Variants in MYL11 observed in about 807,000 individuals in gnomAD.
MYL11 encodes the protein myosin light chain 11.
chr16:30,372,757 G>T, the MYL11 span: 1 of 148,818 alleles, frequency 6.7e-6, no homozygotes. Flanking sequence ...TCTTCTGCAT[G>T]AAACCTTTCC....
At chr16:30,377,581 G>T in the MYL11 span, 3 of 1,368,580 alleles carry the variant, frequency 2.2e-6, no homozygotes, top group Non-Finnish European at 2.9e-6. Flanking sequence ...GGCTGGCATC[G>T]GGGATGAGGT....
the MYL11 span, chr16:30,376,023 C>T: frequency 6.7e-7 from 1 of 1,481,604 alleles, no homozygotes; most frequent in Non-Finnish European, 9.3e-7. Flanking sequence ...ATTCCTTCCT[C>T]CCCTCTCTGC....
At chr16:30,371,474 A>G in the MYL11 span, among the ~76,000 whole-genome samples, 4 of 152,120 alleles carry the variant, frequency 2.6e-5, no homozygotes, top group Admixed American at 1.3e-4. Context: ...CCCAGGTGGC[A>G]ATAGCCAGAG....
chr16:30,375,688 A>C, the MYL11 span: 15 of 703,950 alleles, frequency 2.1e-5, no homozygotes, highest in East Asian at 4.1e-4. Flanking sequence ...AGAGGTCCCA[A>C]GGAAGGGGAG....
At chr16:30,372,563 A>G in the MYL11 span, among the ~76,000 whole-genome samples, 1 of 151,714 alleles carries the variant, frequency 6.6e-6, no homozygotes, top group Non-Finnish European at 1.5e-5. Flanking sequence ...GGGTACATCA[A>G]AGTCACACAA....
the MYL11 span, chr16:30,375,737 A>G: frequency 2.5e-6 from 3 of 1,190,404 alleles, no homozygotes; most frequent in African/African-American, 4.6e-5. Flanking sequence ...AGGGACTCGA[A>G]GAATTCTGAC....
chr16:30,374,590 T>C, the MYL11 span, among the ~76,000 whole-genome samples: 42 of 152,344 alleles, frequency 2.8e-4, no homozygotes, highest in East Asian at 7.3e-3. Context: ...CATCTCTTCT[T>C]GCCCAGGCCC....
chr16:30,374,709 C>T, the MYL11 span: 4 of 946,978 alleles, frequency 4.2e-6, 1 homozygote, highest in African/African-American at 1.7e-5. Flanking sequence ...ATTTTGGTAT[C>T]TGGGGTGGGC....
At chr16:30,375,870 CT>C in the MYL11 span, 1 of 1,614,014 alleles carries the variant, frequency 6.2e-7, no homozygotes. Flanking sequence ...GCTCCAGCGT[CT>C]TCTCCATGTT....
At chr16:30,376,843 G>A in the MYL11 span, 2 of 780,752 alleles carry the variant, frequency 2.6e-6, no homozygotes, top group Middle Eastern at 3.6e-4. Flanking sequence ...GAGGCAGGAG[G>A]ATTTACTTGA....
chr16:30,373,677 G>A, the MYL11 span, among the ~76,000 whole-genome samples: 8 of 149,666 alleles, frequency 5.3e-5, no homozygotes, highest in African/African-American at 1.7e-4. Context: ...CAGAAGTATC[G>A]CTTGAACCCA....
the MYL11 span, among the ~76,000 whole-genome samples, chr16:30,373,452 C>G: frequency 6.6e-6 from 1 of 152,110 alleles, no homozygotes; most frequent in Non-Finnish European, 1.5e-5. Flanking sequence ...AAAAATTAGG[C>G]GGGCGTGGTG....
chr16:30,377,515 G>A, the MYL11 span: 3 of 825,548 alleles, frequency 3.6e-6, no homozygotes, highest in African/African-American at 5.2e-5. Flanking sequence ...GCAAAAGCGA[G>A]TGTCTGGGAG....
the MYL11 span, chr16:30,376,022 T>A: frequency 6.8e-7 from 1 of 1,472,322 alleles, no homozygotes; most frequent in Non-Finnish European, 9.4e-7. Flanking sequence ...AATTCCTTCC[T>A]CCCCTCTCTG....
chr16:30,373,728 C>T, the MYL11 span, among the ~76,000 whole-genome samples: 1 of 150,604 alleles, frequency 6.6e-6, no homozygotes, highest in Admixed American at 6.6e-5. Context: ...CACCATTGCA[C>T]TCCCACCTGG....
At chr16:30,377,445 G>A in the MYL11 span, 3 of 483,082 alleles carry the variant, frequency 6.2e-6, no homozygotes, top group Non-Finnish European at 1.1e-5. Context: ...TAAGGGAGTA[G>A]TTAAGATTGT....
chr16:30,374,919 C>T, the MYL11 span: 3 of 1,584,758 alleles, frequency 1.9e-6, no homozygotes, highest in African/African-American at 2.7e-5. Flanking sequence ...CAGCCTCACC[C>T]TTTGAAAGAA....
At chr16:30,374,735 G>A in the MYL11 span, 6 of 1,323,214 alleles carry the variant, frequency 4.5e-6, no homozygotes, top group Admixed American at 2.7e-5. Context: ...CAGGGCTAAG[G>A]TTACCTTGGT....
the MYL11 span, chr16:30,377,905 ACCCGCGGGCCTC>A: frequency 3.1e-6 from 5 of 1,599,898 alleles, no homozygotes; most frequent in African/African-American, 6.7e-5. Context: ...GAGTAGGGGC[ACCCGCGGGCCTC>A]CGCTGCCCGA....
Sources: gnomAD v4.1 joint callset for allele counts (sites outside exome capture counted in the v4.1 genomes callset) on GRCh38, gnomAD v4.1.1 for gene constraint, MANE v1.5 for transcripts, NCBI Gene and HGNC (gene_info 2026-07-23, HGNC 2026-07-21) for gene names.